NPEPPS: variants seen among roughly 807,000 people sequenced by gnomAD.
NPEPPS encodes the protein aminopeptidase puromycin sensitive.
A neutral mutation model predicts 115.5 loss-of-function variants in NPEPPS; 14 were observed. The ratio of observed to expected loss-of-function variants is 0.12; its 90% confidence interval spans 0.08 to 0.19. The LOEUF (loss-of-function observed/expected upper bound fraction) is 0.19, where lower values mean the gene tolerates loss of function less well. NPEPPS is among the 10% of genes least tolerant of loss of function. The pLI, the probability that NPEPPS is intolerant of heterozygous loss-of-function variation, is 1.00. For missense variants in NPEPPS, 523 were observed against 1,110.8 expected, an observed-to-expected ratio of 0.47 and a Z score of 7.52; for synonymous variants, 285 against 390.6, an observed-to-expected ratio of 0.73 and a Z score of 3.19.
chr17:47,615,965 T>TA (rs1486390307), intron 19 of NPEPPS, among the ~76,000 whole-genome samples: 1 of 152,170 alleles, frequency 6.6e-6, no homozygotes, highest in East Asian at 1.9e-4. Context: ...GTGGCAGAGT[T>TA]AAAAAACATT....
chr17:47,568,819 C>A (rs554472142), intron 2 of NPEPPS, among the ~76,000 whole-genome samples: 33 of 152,020 alleles, frequency 2.2e-4, no homozygotes, highest in African/African-American at 8.0e-4. Context: ...CCACAGCCGG[C>A]TAGTTTTGTA....
chr17:47,554,002 G>A (rs1243346361), intron 2 of NPEPPS, among the ~76,000 whole-genome samples: 4 of 150,508 alleles, frequency 2.7e-5, no homozygotes, highest in African/African-American at 4.9e-5. Context: ...TGCCCGCCTC[G>A]GCCTCCCAAA....
At chr17:47,560,167 ATAAT>A (rs935190800) in intron 2 of NPEPPS, among the ~76,000 whole-genome samples, 3 of 151,990 alleles carry the variant, frequency 2.0e-5, no homozygotes, top group Admixed American at 1.3e-4. Flanking sequence ...TAGGAGAGAG[ATAAT>A]TAGTTTGAAT....
At chr17:47,543,133 G>A (rs369181890) in intron 1 of NPEPPS, among the ~76,000 whole-genome samples, 12 of 139,500 alleles carry the variant, frequency 8.6e-5, no homozygotes, top group African/African-American at 3.2e-4. Flanking sequence ...GCGAGAGAGC[G>A]AGACTCCATC....
chr17:47,613,213 A>G (rs999848156), intron 18 of NPEPPS, among the ~76,000 whole-genome samples: 5 of 149,190 alleles, frequency 3.4e-5, no homozygotes, highest in African/African-American at 1.2e-4. Flanking sequence ...AGGCACTGCT[A>G]GCTCCTTAAC....
intron 14 of NPEPPS, among the ~76,000 whole-genome samples, chr17:47,599,977 C>G (rs1913093603): frequency 6.6e-6 from 1 of 152,044 alleles, no homozygotes; most frequent in Non-Finnish European, 1.5e-5. Context: ...TGCCACCATG[C>G]TCGGCTAATT....
chr17:47,618,123 C>T (rs1419638191), intron 19 of NPEPPS, among the ~76,000 whole-genome samples: 1 of 151,926 alleles, frequency 6.6e-6, no homozygotes, highest in Non-Finnish European at 1.5e-5. Flanking sequence ...TCAGGTGATC[C>T]ACCCGCCTCG....
chr17:47,595,963 C>T (rs1912839862), intron 12 of NPEPPS: 1 of 120,518 alleles, frequency 8.3e-6, no homozygotes, highest in Non-Finnish European at 1.6e-5. Flanking sequence ...GCCTGGGCAA[C>T]AGAGCAAGAC....
At chr17:47,605,250 C>A in intron 16 of NPEPPS, 83 bp from the exon 17 acceptor site, 1 of 894,648 alleles carries the variant, frequency 1.1e-6, no homozygotes, top group Non-Finnish European at 1.7e-6. Context: ...AAATTGCTAG[C>A]AGTAGATAAT....
rs971679986 is a variant in NPEPPS, at chr17:47,622,708, T to C, written c.*788T>C. Reference sequence around the variant, plus strand: ...CCACATTAAATAAGAGAAACTGATATACATTATTTTTTTCTTTTTAAAGAT... The same window carrying C: ...CCACATTAAATAAGAGAAACTGATACACATTATTTTTTTCTTTTTAAAGAT... On this transcript the variant is annotated 3_prime_UTR_variant, in exon 23 of 23. Coordinates refer to ENST00000322157, the MANE Select transcript of NPEPPS (RefSeq NM_006310.4). The C allele has an allele frequency of 2.6e-6, 1 of 387,290 alleles. No individual in the cohort carries two copies. The highest frequency in any genetic ancestry group is 2.2e-5 in the African/African-American group (1 of 46,456). 24.0% of individuals were successfully genotyped at this position (387,290 alleles called of 1,614,324 possible). A position where few individuals can be genotyped will look rare whatever the true frequency, so the allele number is the denominator to read the frequency against.
At chr17:47,544,711 CTTTT>C (rs938067387) in intron 1 of NPEPPS, among the ~76,000 whole-genome samples, 1 of 114,238 alleles carries the variant, frequency 8.8e-6, no homozygotes, top group Admixed American at 1.0e-4. Context: ...TTTTTGTATT[CTTTT>C]TTTTTTTTTT....
At chr17:47,592,657 T>G (rs1382114678) in intron 12 of NPEPPS, 112 bp downstream of exon 12, 2 of 953,308 alleles carry the variant, frequency 2.1e-6, no homozygotes, top group African/African-American at 3.3e-5. Context: ...ATGTAATAAA[T>G]AAATTAGCCT....
upstream of NPEPPS, among the ~76,000 whole-genome samples, chr17:47,527,978 C>G (rs1343913924): frequency 2.7e-5 from 4 of 147,218 alleles, no homozygotes; most frequent in Non-Finnish European, 4.5e-5. Context: ...AGTAAGCACT[C>G]GAAAAACATT....
intron 3 of NPEPPS, among the ~76,000 whole-genome samples, chr17:47,570,688 A>T (rs1911141222): frequency 6.6e-6 from 1 of 152,258 alleles, no homozygotes; most frequent in Non-Finnish European, 1.5e-5. Flanking sequence ...ATGAATGAAC[A>T]AATGAAAAGG....
intron 12 of NPEPPS, among the ~76,000 whole-genome samples, chr17:47,595,649 C>A (rs1912816597): frequency 6.6e-6 from 1 of 151,882 alleles, no homozygotes. Context: ...TTGAGACCAG[C>A]CTGGGCAACA....
At chr17:47,568,866 G>C (rs1043750606) in intron 2 of NPEPPS, among the ~76,000 whole-genome samples, 1 of 150,888 alleles carries the variant, frequency 6.6e-6, no homozygotes, top group African/African-American at 2.4e-5. Context: ...TGTTGGTCAG[G>C]CTGGTCTTGA....
chr17:47,537,521 G>A (rs34545167), intron 1 of NPEPPS, among the ~76,000 whole-genome samples: 9 of 152,102 alleles, frequency 5.9e-5, no homozygotes, highest in East Asian at 3.9e-4. Context: ...GTGAAACCCC[G>A]TCTCTACAAA....
chr17:47,538,202 C>CTTTTTTTTTTTTTTTTTTTTTTTTTTTTT (rs543559258), intron 1 of NPEPPS, among the ~76,000 whole-genome samples: 3 of 58,498 alleles, frequency 5.1e-5, no homozygotes, highest in Non-Finnish European at 1.0e-4. Flanking sequence ...CATATCTGTT[C>CTTTTTTTTTTTTTTTTTTTTTTTTTTTTT]TTTTTTTTTT....
At chr17:47,592,939 G>A (rs1259857403) in intron 12 of NPEPPS, among the ~76,000 whole-genome samples, 1 of 151,938 alleles carries the variant, frequency 6.6e-6, no homozygotes, top group Non-Finnish European at 1.5e-5. Flanking sequence ...GGTGTGTGAT[G>A]TTCCCCGCCC....
Sources: allele counts gnomAD v4.1 joint callset (sites outside exome capture counted in the v4.1 genomes callset), GRCh38; gene constraint gnomAD v4.1.1; transcripts MANE v1.5; gene names NCBI Gene and HGNC (gene_info 2026-07-23, HGNC 2026-07-21).